The following TJP2 variants were observed in gnomAD, a reference collection of about 807,000 sequenced individuals.
TJP2 encodes tight junction protein 2, also known as Friedreich ataxia region gene X104 (tight junction protein ZO-2).
Under a neutral mutation model 133.1 loss-of-function variants are expected in TJP2, and 91 were observed. That is an observed-to-expected ratio of 0.68 (90% confidence interval 0.58 to 0.81). TJP2 has a LOEUF of 0.81. Ranked by LOEUF, TJP2 falls within the 40% of genes least tolerant of loss-of-function variation. The pLI is 0.00. For synonymous variants in TJP2, 592 were observed against 583.4 expected, an observed-to-expected ratio of 1.01 and a Z score of -0.21; for missense variants, 1,541 against 1,565.6, an observed-to-expected ratio of 0.98 and a Z score of 0.26.
At chr9:69,174,193 G>C (rs1824871743), upstream of TJP2, 3 of 1,384,742 alleles carry the variant, frequency 2.2e-6, no homozygotes, top group Non-Finnish European at 2.8e-6. Flanking sequence ...GGTCGGGGGC[G>C]GGCTGACGCC....
At chr9:69,145,586 C>A in intron 1 of TJP2, 1 of 540,972 alleles carries the variant, frequency 1.8e-6, no homozygotes, top group Non-Finnish European at 2.8e-6. Flanking sequence ...TTTAATAGAT[C>A]TAGCTAGGGC....
chr9:69,196,946 TACACACACAC>T (rs746386691), intron 1 of TJP2, among the ~76,000 whole-genome samples: 8 of 134,234 alleles, frequency 6.0e-5, no homozygotes, highest in African/African-American at 2.2e-4. Flanking sequence ...TGTGTGTGTG[TACACACACAC>T]ACACACACAC....
intron 16 of TJP2, 143 bp from the exon 17 acceptor site, chr9:69,239,794 A>G (rs2133408037): frequency 2.4e-6 from 2 of 828,092 alleles, no homozygotes; most frequent in Non-Finnish European, 3.9e-6. Context: ...AGCCTGGGCA[A>G]CAGAGCAAGA....
exon 2 of TJP2, chr9:69,151,701 C>A: frequency 8.1e-7 from 1 of 1,232,030 alleles, no homozygotes; most frequent in Middle Eastern, 3.1e-4. Flanking sequence ...GATTGGCACC[C>A]CGGCTGCAGC....
chr9:69,202,552 TA>T (rs1412117294), intron 1 of TJP2, among the ~76,000 whole-genome samples: 1 of 152,166 alleles, frequency 6.6e-6, no homozygotes, highest in African/African-American at 2.4e-5. Flanking sequence ...TACCATAACA[TA>T]AACAGTCAAT....
chr9:69,242,382 G>GGC (rs1563953383), intron 17 of TJP2, among the ~76,000 whole-genome samples: 1 of 152,188 alleles, frequency 6.6e-6, no homozygotes, highest in African/African-American at 2.4e-5. Flanking sequence ...CTAGCACATG[G>GGC]GCAAGGCATA....
At chr9:69,230,827 T>C (rs906528261) in intron 11 of TJP2, among the ~76,000 whole-genome samples, 1 of 152,198 alleles carries the variant, frequency 6.6e-6, no homozygotes, top group Non-Finnish European at 1.5e-5. Context: ...AATAGGAAGG[T>C]GAGTGTCCAT....
intron 2 of TJP2, among the ~76,000 whole-genome samples, chr9:69,166,415 TTAAACAG>T (rs1348465978): frequency 2.6e-5 from 4 of 151,444 alleles, no homozygotes; most frequent in African/African-American, 7.3e-5. Context: ...TTTACTGTTT[TTAAACAG>T]TAAACAGTAA....
chr9:69,246,613 T>C (rs577771981), intron 17 of TJP2, 77 bp from the exon 18 acceptor site: 1 of 1,253,688 alleles, frequency 8.0e-7, no homozygotes, highest in South Asian at 1.2e-5. Flanking sequence ...GAAATGAGTG[T>C]AAATTATGTC....
intron 4 of TJP2, 69 bp downstream of exon 4, chr9:69,218,428 CCTTG>C: frequency 8.6e-7 from 1 of 1,164,708 alleles, no homozygotes; most frequent in African/African-American, 1.5e-5. Context: ...GAAAATTACC[CCTTG>C]CTTTTAAGCA....
Position 69,212,544 on chromosome 9 carries a change from A to G in TJP2, c.61-4A>G, listed in dbSNP as rs2133210137. 6.2e-7 allele frequency: 1 copy of G among 1,612,088 alleles called. No homozygotes were observed. Among genetic ancestry groups the G allele is most frequent in the African/African-American group, 1.3e-5 (1 of 74,986 alleles). ...ATCAGATTGGTTTTGTTCTTTTAAA[A>G]CAGGCCCCAGGCATGGAAGAGCTGA... On this transcript the variant is annotated splice_region_variant and splice_polypyrimidine_tract_variant and intron_variant, in intron 1 of 22. Coordinates refer to ENST00000377245, the MANE Select transcript of TJP2 (RefSeq NM_004817.4).
chr9:69,198,000 G>T (rs1342683273), intron 1 of TJP2, among the ~76,000 whole-genome samples: 1 of 152,202 alleles, frequency 6.6e-6, no homozygotes, highest in African/African-American at 2.4e-5. Context: ...TTGAGTGAGC[G>T]CCCAAGCTCA....
intron 1 of TJP2, among the ~76,000 whole-genome samples, chr9:69,139,227 A>G (rs975563687): frequency 1.3e-5 from 2 of 152,222 alleles, no homozygotes; most frequent in Non-Finnish European, 2.9e-5. Context: ...AAAAAAACCA[A>G]CCAACCAAAC....
intron 17 of TJP2, among the ~76,000 whole-genome samples, chr9:69,240,843 A>G (rs1040419172): frequency 6.6e-6 from 1 of 152,140 alleles, no homozygotes; most frequent in Non-Finnish European, 1.5e-5. Flanking sequence ...GACACTCTGA[A>G]TATTGGATGA....
chr9:69,179,096 A>G (rs936774796), intron 1 of TJP2, among the ~76,000 whole-genome samples: 1 of 152,182 alleles, frequency 6.6e-6, no homozygotes, highest in African/African-American at 2.4e-5. Flanking sequence ...AGAGAGATGC[A>G]TGCTCATGGC....
intron 21 of TJP2, among the ~76,000 whole-genome samples, chr9:69,251,854 T>C (rs1376230673): frequency 6.6e-6 from 1 of 152,306 alleles, no homozygotes; most frequent in East Asian, 1.9e-4. Context: ...GTGGAGTATA[T>C]TTGCCCAGTA....
chr9:69,136,544 G>T (rs978919116), intron 1 of TJP2, among the ~76,000 whole-genome samples: 1 of 151,996 alleles, frequency 6.6e-6, no homozygotes, highest in African/African-American at 2.4e-5. Context: ...TTTTTTTTTA[G>T]CTAAAAATAA....
chr9:69,122,810 T>C (rs1822205912), intron 1 of TJP2, among the ~76,000 whole-genome samples: 1 of 152,244 alleles, frequency 6.6e-6, no homozygotes. Context: ...GCAGGTCTTC[T>C]GTCCAGGTTT....
chr9:69,154,917 G>A (rs1564385977), intron 2 of TJP2, among the ~76,000 whole-genome samples: 1 of 152,040 alleles, frequency 6.6e-6, no homozygotes, highest in African/African-American at 2.4e-5. Flanking sequence ...CATCATATAG[G>A]CTTAGAAAAG....
Sources: gnomAD v4.1 joint callset for allele counts (sites outside exome capture counted in the v4.1 genomes callset) on GRCh38, gnomAD v4.1.1 for gene constraint, MANE v1.5 for transcripts, NCBI Gene and HGNC (gene_info 2026-07-23, HGNC 2026-07-21) for gene names.